The following TMEFF2 variants were observed in gnomAD, a reference collection of about 807,000 sequenced individuals.
TMEFF2 encodes transmembrane protein with EGF like and two follistatin like domains 2, also known as tomoregulin-2.
TMEFF2 carries 28 observed loss-of-function variants against 53.8 expected under a neutral mutation model. The observed-to-expected ratio is 0.52, with a 90% CI of 0.39 to 0.71. The LOEUF is 0.71. Among genes scored for constraint, TMEFF2 ranks in the 30% least tolerant of loss-of-function variants. The pLI is 0.00. For synonymous variants in TMEFF2, 162 were observed against 166.3 expected, an observed-to-expected ratio of 0.97 and a Z score of 0.20; for missense variants, 353 against 455.2, an observed-to-expected ratio of 0.78 and a Z score of 2.04.
At chr2:192,077,820 ATAT>A (rs1353758874) in intron 4 of TMEFF2, among the ~76,000 whole-genome samples, 12 of 152,068 alleles carry the variant, frequency 7.9e-5, no homozygotes, top group Non-Finnish European at 1.5e-4. Context: ...ATATGTTTAT[ATAT>A]ATAAGCACAA....
intron 7 of TMEFF2, among the ~76,000 whole-genome samples, chr2:191,964,340 C>CT (rs1559063305): frequency 2.2e-5 from 1 of 46,424 alleles, no homozygotes; most frequent in Non-Finnish European, 4.5e-5. Context: ...TTCCTTCTTT[C>CT]TTTCTTTCTT....
chr2:192,050,326 G>C (rs1687736558), intron 5 of TMEFF2, among the ~76,000 whole-genome samples: 1 of 152,064 alleles, frequency 6.6e-6, no homozygotes, highest in Admixed American at 6.5e-5. Context: ...TTGAGGTATG[G>C]ATACAGAGAA....
intron 5 of TMEFF2, among the ~76,000 whole-genome samples, chr2:192,018,877 A>G (rs547581210): frequency 6.7e-6 from 1 of 149,634 alleles, no homozygotes; most frequent in South Asian, 2.1e-4. Flanking sequence ...TAGCCAGGAT[A>G]TGCTGAGATC....
intron 5 of TMEFF2, among the ~76,000 whole-genome samples, chr2:192,047,069 T>C (rs928738016): frequency 1.3e-5 from 2 of 152,068 alleles, no homozygotes; most frequent in Admixed American, 6.6e-5. Flanking sequence ...TACAGGCACA[T>C]GCTGCCATGC....
chr2:192,184,239 C>G (rs1207910600), intron 3 of TMEFF2, 115 bp downstream of exon 3: 1 of 1,294,680 alleles, frequency 7.7e-7, no homozygotes, highest in East Asian at 2.3e-5. Flanking sequence ...AACAATACGG[C>G]TTGTCTAGTC....
chr2:192,184,220 T>C (rs1169195012), intron 3 of TMEFF2, 134 bp downstream of exon 3: 4 of 1,183,780 alleles, frequency 3.4e-6, no homozygotes, highest in Non-Finnish European at 4.7e-6. Flanking sequence ...TAACAAATGT[T>C]TTGAACAAAA....
rs190629147 is a variant in TMEFF2, at chr2:191,981,917, C to T, written c.745+16345G>A. On this transcript the variant is annotated intron_variant, in intron 7 of 9. Transcript: ENST00000272771. ...TCTTAGGTTGCTTTGTTATATCTGC[C>T]GCTTTGAAGTCCTGGATACCAGCAA... Among the ~76,000 whole-genome samples, 8 of 152,190 alleles carry T rather than the reference C, an allele frequency of 5.3e-5. No individual in the cohort carries two copies. The East Asian group carries it at 5.8e-4, about 11-fold the overall frequency.
chr2:192,137,856 G>A (rs1486956789), intron 4 of TMEFF2, among the ~76,000 whole-genome samples: 2 of 151,096 alleles, frequency 1.3e-5, no homozygotes, highest in African/African-American at 4.9e-5. Flanking sequence ...ATGCTGGAGT[G>A]CAGTGGTGCG....
chr2:192,132,054 ACT>A (rs1689848060), intron 4 of TMEFF2, among the ~76,000 whole-genome samples: 1 of 151,048 alleles, frequency 6.6e-6, no homozygotes, highest in African/African-American at 2.4e-5. Flanking sequence ...CCCAAGCGTC[ACT>A]GAGTCTTTCT....
intron 7 of TMEFF2, among the ~76,000 whole-genome samples, chr2:191,994,753 G>A (rs2105830293): frequency 6.6e-6 from 1 of 152,024 alleles, no homozygotes. Context: ...ATCTTTCTGT[G>A]GGTGTAGAGA....
chr2:192,149,930 G>T (rs2105999149), intron 4 of TMEFF2, among the ~76,000 whole-genome samples: 2 of 151,914 alleles, frequency 1.3e-5, no homozygotes, highest in Middle Eastern at 6.8e-3. Context: ...TAATATCTCA[G>T]TAACTTTATT....
rs569505261 is a variant in TMEFF2 at position 192,098,647 on chromosome 2, T to C, written c.440-40872A>G. On this transcript the variant is annotated intron_variant, in intron 4 of 9. Transcript: ENST00000272771. ...CTCAATTGGATGATAAAAGTAAAGTTTGAAAAATAAATAAAAATTAGCTAA... is the reference window on the plus strand; with the variant it reads ...CTCAATTGGATGATAAAAGTAAAGTCTGAAAAATAAATAAAAATTAGCTAA... Among the ~76,000 whole-genome samples the C allele has an allele frequency of 7.2e-5, 11 of 152,254 alleles. No individual in the cohort carries two copies. The East Asian group carries it at 2.1e-3, about 29-fold the overall frequency.
At chr2:192,108,111 C>T (rs1031231040) in intron 4 of TMEFF2, among the ~76,000 whole-genome samples, 3 of 151,718 alleles carry the variant, frequency 2.0e-5, no homozygotes, top group African/African-American at 7.2e-5. Flanking sequence ...CTAGTTCAAA[C>T]AGGTCAATTT....
intron 9 of TMEFF2, among the ~76,000 whole-genome samples, chr2:191,952,834 C>T (rs1030016627): frequency 5.3e-5 from 8 of 152,172 alleles, no homozygotes; most frequent in African/African-American, 1.9e-4. Flanking sequence ...TACTGGAGAG[C>T]TGCACAAATG....
intron 4 of TMEFF2, among the ~76,000 whole-genome samples, chr2:192,101,385 A>G (rs1689028535): frequency 6.6e-6 from 1 of 152,210 alleles, no homozygotes; most frequent in Non-Finnish European, 1.5e-5. Flanking sequence ...ACTCTAGAGG[A>G]TCATGTTATT....
chr2:192,184,039 A>G (rs1027059172), intron 3 of TMEFF2, among the ~76,000 whole-genome samples: 2 of 152,096 alleles, frequency 1.3e-5, no homozygotes, highest in Non-Finnish European at 2.9e-5. Context: ...AGGTTTCTCC[A>G]TATTTGGCAC....
At chr2:192,038,200 A>ATG (rs1387773494) in intron 5 of TMEFF2, 1 of 152,218 alleles carries the variant, frequency 6.6e-6, no homozygotes, top group Non-Finnish European at 1.5e-5. Context: ...TTTGGAAAGA[A>ATG]TGTTGACAGA....
chr2:192,132,108 C>A (rs1487511052), intron 4 of TMEFF2, among the ~76,000 whole-genome samples: 1 of 152,092 alleles, frequency 6.6e-6, no homozygotes. Flanking sequence ...CTCCCCTCCT[C>A]GCCAGGCCAA....
At chr2:192,156,825 T>C (rs1360937707) in intron 4 of TMEFF2, among the ~76,000 whole-genome samples, 6 of 152,054 alleles carry the variant, frequency 3.9e-5, no homozygotes, top group Admixed American at 1.3e-4. Context: ...GAGCACAGAA[T>C]CCTGAGACCA....
Sources: gnomAD v4.1 joint callset for allele counts (sites outside exome capture counted in the v4.1 genomes callset) on GRCh38, gnomAD v4.1.1 for gene constraint, MANE v1.5 for transcripts, NCBI Gene and HGNC (gene_info 2026-07-23, HGNC 2026-07-21) for gene names.